Variants in VPS36 observed in about 807,000 individuals in gnomAD.
The protein encoded by VPS36 is vacuolar protein sorting 36 homolog.
In VPS36, 31 loss-of-function variants were observed where a neutral mutation model predicts 63.5. That is an observed-to-expected ratio of 0.49 (90% CI 0.37 to 0.66). VPS36 has a LOEUF of 0.66. Among genes scored for constraint, VPS36 ranks in the 30% least tolerant of loss-of-function variants. The pLI, the probability that VPS36 is intolerant of heterozygous loss-of-function variation, is 0.00. For missense variants in VPS36, 338 were observed against 463.7 expected (o/e 0.73, Z 2.49); for synonymous variants, 138 against 157.2 (o/e 0.88, Z 0.91).
At chr13:52,421,351 G>C (rs993126604) in intron 10 of VPS36, among the ~76,000 whole-genome samples, 2 of 152,092 alleles carry the variant, frequency 1.3e-5, no homozygotes, top group African/African-American at 4.8e-5. Context: ...TAGAAGAGTG[G>C]CTACCAGAGG....
rs1161750021 is a variant in VPS36 at position 52,417,158 on chromosome 13, C to G, written c.906-17G>C. Reference sequence around the variant, plus strand: ...ACACGGAGCCTGAAAACCACAGGTGCGAGAACAAAGCCAGGAATTATCTAG... The same window carrying G: ...ACACGGAGCCTGAAAACCACAGGTGGGAGAACAAAGCCAGGAATTATCTAG... On this transcript the variant is annotated splice_polypyrimidine_tract_variant and intron_variant, in intron 11 of 13. Coordinates refer to ENST00000378060, the MANE Select transcript of VPS36 (RefSeq NM_016075.4). 1.2e-6 allele frequency: 2 copies of G among 1,611,328 alleles called. No individual in the cohort carries two copies. Among genetic ancestry groups the G allele is most frequent in the Non-Finnish European group, 1.7e-6 (2 of 1,178,166 alleles).
rs74085788 is a variant in VPS36 at position 52,443,910 on chromosome 13, C to G, written c.97-1465G>C. Among the ~76,000 whole-genome samples, 624 of 152,218 alleles carry G rather than the reference C, an allele frequency of 4.1e-3. 3 individuals are homozygous for G. The highest frequency in any genetic ancestry group is 0.015 in the African/African-American group (605 of 41,546). On this transcript the variant is annotated intron_variant, in intron 1 of 13. Coordinates refer to ENST00000378060, the MANE Select transcript of VPS36 (RefSeq NM_016075.4). The stretch of plus-strand genomic sequence containing the variant: ...CAAGATATATATTGGAAGCTATTAA[C>G]TCGAGTTACCAGAAAGTGGAATTTG...
chr13:52,437,954 A>G (rs1355427178), intron 3 of VPS36, among the ~76,000 whole-genome samples: 1 of 152,090 alleles, frequency 6.6e-6, no homozygotes, highest in Non-Finnish European at 1.5e-5. Flanking sequence ...TATGAAATAA[A>G]AAAAGCATCT....
At chr13:52,447,523 G>T (rs929279942) in intron 1 of VPS36, among the ~76,000 whole-genome samples, 1 of 152,148 alleles carries the variant, frequency 6.6e-6, no homozygotes, top group African/African-American at 2.4e-5. Flanking sequence ...ACATTATCTA[G>T]TCATAATGAG....
chr13:52,437,939 A>G (rs1958235693), intron 3 of VPS36, among the ~76,000 whole-genome samples: 1 of 152,072 alleles, frequency 6.6e-6, no homozygotes. Context: ...CAAAAAAAAA[A>G]AAATTATGAA....
intron 1 of VPS36, chr13:52,449,807 G>T: frequency 2.0e-6 from 1 of 508,592 alleles, no homozygotes; most frequent in East Asian, 1.5e-4. Flanking sequence ...TGCACTACAA[G>T]GCACGGTCTA....
chr13:52,443,734 A>G (rs1259458867), intron 1 of VPS36, among the ~76,000 whole-genome samples: 1 of 152,246 alleles, frequency 6.6e-6, no homozygotes, highest in Non-Finnish European at 1.5e-5. Context: ...AAACTACAAT[A>G]CAATCACAAA....
At chr13:52,419,907 A>G (rs1163019827) in intron 10 of VPS36, among the ~76,000 whole-genome samples, 1 of 152,116 alleles carries the variant, frequency 6.6e-6, no homozygotes, top group Non-Finnish European at 1.5e-5. Flanking sequence ...GGAAGGAGGG[A>G]TAAAGAGAGG....
intron 6 of VPS36, chr13:52,429,268 A>T (rs1958132841): frequency 1.0e-6 from 1 of 985,274 alleles, no homozygotes; most frequent in South Asian, 4.7e-5. Context: ...TAGCATCAGT[A>T]ACTCAGTATA....
At chr13:52,420,629 G>A (rs1339469969) in intron 10 of VPS36, among the ~76,000 whole-genome samples, 1 of 151,216 alleles carries the variant, frequency 6.6e-6, no homozygotes, top group Non-Finnish European at 1.5e-5. Flanking sequence ...CAGCGCACCC[G>A]GCCCTATTGT....
intron 6 of VPS36, among the ~76,000 whole-genome samples, chr13:52,430,159 T>C (rs761487512): frequency 6.6e-6 from 1 of 152,030 alleles, no homozygotes; most frequent in Non-Finnish European, 1.5e-5. Context: ...ACACTAGACA[T>C]TAGTGAATAA....
intron 11 of VPS36, 138 bp from the exon 12 acceptor site, chr13:52,417,279 A>G (rs1200399992): frequency 3.2e-6 from 2 of 629,236 alleles, no homozygotes; most frequent in Non-Finnish European, 5.6e-6. Context: ...AAAACATATC[A>G]AACCCAAGCA....
chr13:52,439,752 G>T (rs1280443002), intron 2 of VPS36, among the ~76,000 whole-genome samples: 1 of 151,670 alleles, frequency 6.6e-6, no homozygotes, highest in East Asian at 1.9e-4. Context: ...AGCCACAATG[G>T]GTGCATTTTC....
intron 6 of VPS36, chr13:52,429,094 T>C (rs1958131492): frequency 1.2e-5 from 2 of 168,392 alleles, no homozygotes. Context: ...CATTCTATAA[T>C]TGCATCTGCC....
intron 1 of VPS36, among the ~76,000 whole-genome samples, chr13:52,445,003 G>T (rs1025114074): frequency 6.6e-6 from 1 of 152,112 alleles, no homozygotes. Context: ...TAAGAGTAAG[G>T]TCTGATTGTA....
intron 4 of VPS36, among the ~76,000 whole-genome samples, chr13:52,435,735 T>A (rs897540665): frequency 6.6e-6 from 1 of 152,174 alleles, no homozygotes; most frequent in Non-Finnish European, 1.5e-5. Flanking sequence ...CTGGGTGAGG[T>A]GATATAGAAA....
Position 52,413,670 on chromosome 13 carries a change from A to G in VPS36, c.*2160T>C, listed in dbSNP as rs184728103. 253 of 152,702 alleles carry G rather than the reference A, an allele frequency of 1.7e-3. No individual in the cohort carries two copies. The highest frequency in any genetic ancestry group is 5.9e-3 in the African/African-American group (245 of 41,580). 9.5% of individuals were successfully genotyped at this position (152,702 alleles called of 1,614,324 possible). A position where few individuals can be genotyped will look rare whatever the true frequency, so the allele number is the denominator to read the frequency against. On this transcript the variant is annotated 3_prime_UTR_variant, in exon 14 of 14. Transcript: ENST00000378060. ...AAGCTACAAAGAGGCTCATGCTCCT[A>G]AGAGCAAAGTTAGGAAAACAAAAAA... is the stretch of plus-strand genomic sequence containing the variant.
chr13:52,450,423 G>T, intron 1 of VPS36, 76 bp downstream of exon 1: 1 of 1,454,602 alleles, frequency 6.9e-7, no homozygotes, highest in Non-Finnish European at 9.1e-7. Flanking sequence ...GCCGACCCGG[G>T]CCGCGCTGAG....
Position 52,450,291 on chromosome 13 carries a change from G to A in VPS36, c.96+208C>T, listed in dbSNP as rs1958388665. The A allele has an allele frequency of 7.8e-6, 9 of 1,157,402 alleles. No individual in the cohort carries two copies. In the African/African-American group the frequency reaches 1.5e-4, roughly 19 times the overall value. The allele number at this position is 1,157,402 out of a possible 1,614,324, so 71.7% of individuals were successfully genotyped here. A position where few individuals can be genotyped will look rare whatever the true frequency, so the allele number is the denominator to read the frequency against. The stretch of plus-strand genomic sequence containing the variant: ...GTGCCAAAGTTGGGACCCGCGCTGG[G>A]GAGGCAGCCGAGCGCCCCACGCCAC... On this transcript the variant is annotated intron_variant, in intron 1 of 13. Transcript: ENST00000378060.
Sources: gnomAD v4.1 joint callset for allele counts (sites outside exome capture counted in the v4.1 genomes callset) on GRCh38, gnomAD v4.1.1 for gene constraint, MANE v1.5 for transcripts, NCBI Gene and HGNC (gene_info 2026-07-23, HGNC 2026-07-21) for gene names.